Variants in NKX3-2 observed in about 807,000 individuals in gnomAD.
The protein encoded by NKX3-2 is NK3 homeobox 2.
NKX3-2 carries 13 observed loss-of-function variants against 19.4 expected under a neutral mutation model. The observed-to-expected ratio is 0.67, with a 90% CI of 0.44 to 1.07. The LOEUF (loss-of-function observed/expected upper bound fraction) is 1.07. Ranked by LOEUF, NKX3-2 falls within the 50% of genes least tolerant of loss-of-function variation. NKX3-2 has a pLI of 0.00. For missense variants in NKX3-2, 562 were observed against 488.2 expected (o/e 1.15, Z -1.42); for synonymous variants, 269 against 230.5 (o/e 1.17, Z -1.51).
upstream of NKX3-2, chr4:13,547,242 C>G (rs1309347704): frequency 2.2e-6 from 1 of 456,328 alleles, no homozygotes; most frequent in Non-Finnish European, 4.4e-6. Flanking sequence ...GAAGGCGCAG[C>G]AGGCCTGCGC....
Position 13,544,033 on chromosome 4 carries a change from G to C in NKX3-2, c.382C>G (p.Pro128Ala). Residue 128 changes from proline (P) to alanine (A), a missense_variant, in exon 1 of 2, where the codon CCG becomes GCG. Coordinates refer to ENST00000382438, the MANE Select transcript of NKX3-2 (RefSeq NM_001189.4). ...LAGGSLSLGQ[P>A]VCELAASKDL... ...TTGGAAGCGGCCAGCTCACAGACCGGCTGGCCGAGGCTCAAGGATCCCCCC... is the reference window on the plus strand; with the variant it reads ...TTGGAAGCGGCCAGCTCACAGACCGCCTGGCCGAGGCTCAAGGATCCCCCC... 6.4e-7 allele frequency: 1 copy of C among 1,560,114 alleles called. No homozygotes were observed. The highest frequency in any genetic ancestry group is 1.4e-5 in the African/African-American group (1 of 71,672).
chr4:13,541,972 G>A lies in NKX3-2; in HGVS notation c.*21C>T. On this transcript the variant is annotated 3_prime_UTR_variant, in exon 2 of 2. Transcript: ENST00000382438. ...CGGAGCCGGAGCGCGGGAATCACTC[G>A]CTGCCTCAGCCCAAGCGGGTTCACT... 2 of 1,564,046 alleles carry A rather than the reference G, an allele frequency of 1.3e-6. No homozygotes were observed. Among genetic ancestry groups the A allele is most frequent in the Non-Finnish European group, 1.7e-6 (2 of 1,154,946 alleles).
In NKX3-2 at chr4:13,542,642, C is replaced by T. The variant is rs925450495; in HGVS notation, c.467-114G>A. 28 of 1,388,406 alleles carry T rather than the reference C, an allele frequency of 2.0e-5. No individual in the cohort carries two copies. In the African/African-American group the frequency reaches 3.8e-4, roughly 19 times the overall value. 86.0% of individuals were successfully genotyped at this position (1,388,406 alleles called of 1,614,324 possible). A position where few individuals can be genotyped will look rare whatever the true frequency, so the allele number is the denominator to read the frequency against. ...GGGGCGGAAATACACTTTGATCCCA[C>T]TCAAGCGGAGCGGAGGTCTGGGAGG... On this transcript the variant is annotated intron_variant, in intron 1 of 1. Transcript: ENST00000382438. The surrounding 1 kb of genome is among the most constrained non-coding windows in gnomAD (Gnocchi z 6.4).
Position 13,542,539 on chromosome 4 carries a change from C to T in NKX3-2, c.467-11G>A, listed in dbSNP as rs1718017654. On this transcript the variant is annotated splice_polypyrimidine_tract_variant and intron_variant, in intron 1 of 1. Coordinates refer to ENST00000382438, the MANE Select transcript of NKX3-2 (RefSeq NM_001189.4). This position sits in a 1 kb window ranked among gnomAD's most constrained non-coding sequence, Gnocchi z 6.4. ...TTGGGCTGCGGTCGCCTGCGGACCC[C>T]GGTGGGAACAGAAACAAGAGACTGT... 1 of 1,596,232 alleles carries T rather than the reference C, an allele frequency of 6.3e-7. No individual in the cohort carries two copies. The highest frequency in any genetic ancestry group is 1.3e-5 in the African/African-American group (1 of 74,832).
At position 13,543,786 on chromosome 4, in the gene NKX3-2, C is replaced by T. The variant is rs1718047438; in HGVS notation, c.466+163G>A. Among the ~76,000 whole-genome samples, 1 of 152,208 alleles carries T rather than the reference C, an allele frequency of 6.6e-6. No individual in the cohort carries two copies. Among genetic ancestry groups the T allele is most frequent in the Non-Finnish European group, 1.5e-5 (1 of 68,036 alleles). On this transcript the variant is annotated intron_variant, in intron 1 of 1. Transcript: ENST00000382438. This position sits in a 1 kb window ranked among gnomAD's most constrained non-coding sequence, Gnocchi z 7.1. ...TCCGGTCTCTCGCGGGCTCAGTTCC[C>T]GAAGTGATAGAGCAGCTCGCGCCAG...
upstream of NKX3-2, chr4:13,547,113 C>T (rs1316496984): frequency 2.2e-6 from 1 of 456,228 alleles, no homozygotes; most frequent in Non-Finnish European, 4.4e-6. Flanking sequence ...CAACTAGAAG[C>T]TGCTCCTAGC....
At position 13,542,487 on chromosome 4, in the gene NKX3-2, T is replaced by G; in HGVS notation, c.508A>C (p.Arg170=). The G allele has an allele frequency of 6.3e-7, 1 of 1,596,662 alleles. No individual in the cohort carries two copies. The highest frequency in any genetic ancestry group is 8.5e-7 in the Non-Finnish European group (1 of 1,179,534). ...CACAGCGCGGACACGTGTGCACCTC[T>G]GGGGCCAACACCGTCGTCCTCGGTC... ...PRTEDDGVGP[R]GAHVSALCSG... Residue 170 remains arginine (R), a synonymous_variant, in exon 2 of 2, where the codon AGA becomes CGA. Coordinates refer to ENST00000382438, the MANE Select transcript of NKX3-2 (RefSeq NM_001189.4). The surrounding 1 kb of genome is among the most constrained non-coding windows in gnomAD (Gnocchi z 6.4).
Position 13,543,060 on chromosome 4 carries a change from T to C in NKX3-2, c.467-532A>G, listed in dbSNP as rs1391351378. Among the ~76,000 whole-genome samples the C allele has an allele frequency of 6.6e-6, 1 of 151,984 alleles. No homozygotes were observed. On this transcript the variant is annotated intron_variant, in intron 1 of 1. Coordinates refer to ENST00000382438, the MANE Select transcript of NKX3-2 (RefSeq NM_001189.4). This position sits in a 1 kb window ranked among gnomAD's most constrained non-coding sequence, Gnocchi z 7.1. ...ATCTTTCACCCTCAGCCGCCTGGGA[T>C]TGCTGTGAGAGACATGGAAACAGGC...
rs1718008230 is a variant in NKX3-2 at position 13,542,290 on chromosome 4, C to T, written c.705G>A (p.Glu235=). Residue 235 remains glutamate, a synonymous_variant, in exon 2 of 2, where the codon GAG becomes GAA. Coordinates refer to ENST00000382438, the MANE Select transcript of NKX3-2 (RefSeq NM_001189.4). This position sits in a 1 kb window ranked among gnomAD's most constrained non-coding sequence, Gnocchi z 6.4. ...TCAGCGACGCGGCCAGGTCTGCGCG[C>T]TCGGGCCCGGACAGGTAGCGCTGGT... ...FNHQRYLSGP[E]RADLAASLKL... The T allele has an allele frequency of 1.2e-6, 2 of 1,608,776 alleles. No homozygotes were observed. Among genetic ancestry groups the T allele is most frequent in the Non-Finnish European group, 8.5e-7 (1 of 1,178,530 alleles).
Position 13,544,130 on chromosome 4 carries a change from G to C in NKX3-2, c.285C>G (p.Ser95=), listed in dbSNP as rs769742404. ...TGCTCTCGTTCTCCTCGCTGAGCGC[G>C]GAGTCCGAGTCCCAGCCTTCCGGGC... ...AESPEGWDSD[S]ALSEENESRR... is the part of the protein sequence containing the mutation. The change falls in exon 1 of 2, where the codon TCC becomes TCG. Residue 95 remains serine (S), a synonymous_variant. Transcript: ENST00000382438. 7 of 1,604,606 alleles carry C rather than the reference G, an allele frequency of 4.4e-6. No homozygotes were observed. Among genetic ancestry groups the C allele is most frequent in the South Asian group, 1.1e-5 (1 of 89,998 alleles).
chr4:13,543,901 C>T lies in NKX3-2; in HGVS notation c.466+48G>A, dbSNP rs754038800. ...CCCCACTCGGCGTGGTTGCCCTCCGCGTCCATCCCCTCAGCCCGGCCCCCA... is the reference window on the plus strand; with the variant it reads ...CCCCACTCGGCGTGGTTGCCCTCCGTGTCCATCCCCTCAGCCCGGCCCCCA... On this transcript the variant is annotated intron_variant, in intron 1 of 1. Coordinates refer to ENST00000382438, the MANE Select transcript of NKX3-2 (RefSeq NM_001189.4). The surrounding 1 kb of genome is among the most constrained non-coding windows in gnomAD (Gnocchi z 7.1). 63 of 1,447,728 alleles carry T rather than the reference C, an allele frequency of 4.4e-5. No individual in the cohort carries two copies. In the Middle Eastern group the frequency reaches 3.4e-3, roughly 79 times the overall value. 89.7% of individuals were successfully genotyped at this position (1,447,728 alleles called of 1,614,324 possible). A position where few individuals can be genotyped will look rare whatever the true frequency, so the allele number is the denominator to read the frequency against.
chr4:13,546,849 C>T (rs190497383), upstream of NKX3-2: 12 of 444,934 alleles, frequency 2.7e-5, no homozygotes, highest in East Asian at 1.4e-4. Flanking sequence ...ACTCCTGCCA[C>T]AGCCTTGGGC....
chr4:13,543,693 C>T lies in NKX3-2; in HGVS notation c.466+256G>A, dbSNP rs986815839. ...GCAAGGGGCAGCGGTTCTCCCAACC[C>T]AGTCTAATGCACATTGGCCCAGGAT... On this transcript the variant is annotated intron_variant, in intron 1 of 1. Coordinates refer to ENST00000382438, the MANE Select transcript of NKX3-2 (RefSeq NM_001189.4). The surrounding 1 kb of genome is among the most constrained non-coding windows in gnomAD (Gnocchi z 7.1). Among the ~76,000 whole-genome samples, 3 of 152,236 alleles carry T rather than the reference C, an allele frequency of 2.0e-5. No individual in the cohort carries two copies. Among genetic ancestry groups the T allele is most frequent in the African/African-American group, 7.2e-5 (3 of 41,462 alleles).
Position 13,542,358 on chromosome 4 carries a change from A to C in NKX3-2, c.637T>G (p.Phe213Val). 6.5e-7 allele frequency: 1 copy of C among 1,533,600 alleles called. No homozygotes were observed. The highest frequency in any genetic ancestry group is 8.8e-7 in the Non-Finnish European group (1 of 1,142,332). The allele number at this position is 1,533,600 out of a possible 1,614,324, so 95.0% of individuals were successfully genotyped here. ...KPRKKRSRAA[F>V]SHAQVFELER... The stretch of plus-strand genomic sequence containing the variant: ...AGCTCGAAGACCTGCGCGTGGGAGA[A>C]AGCGGCCCGCGAGCGCTTCTTGCGT... Residue 213 changes from phenylalanine to valine, a missense_variant, in exon 2 of 2, where the codon TTC (phenylalanine) becomes GTC (valine). Transcript: ENST00000382438. The surrounding 1 kb of genome is among the most constrained non-coding windows in gnomAD (Gnocchi z 6.4).
In NKX3-2 at chr4:13,543,892, TG is replaced by T; in HGVS notation, c.466+56del. 1 of 1,418,756 alleles carries T rather than the reference TG, an allele frequency of 7.0e-7. No individual in the cohort carries two copies. The allele number at this position is 1,418,756 out of a possible 1,614,324, so 87.9% of individuals were successfully genotyped here. On this transcript the variant is annotated intron_variant, in intron 1 of 1. Transcript: ENST00000382438. The surrounding 1 kb of genome is among the most constrained non-coding windows in gnomAD (Gnocchi z 7.1). The stretch of plus-strand genomic sequence containing the variant: ...AGCCGACCACCCCACTCGGCGTGGT[TG>T]CCCTCCGCGTCCATCCCCTCAGCCC...
At position 13,544,503 on chromosome 4, in the gene NKX3-2, G is replaced by A. The variant is rs1045773569; in HGVS notation, c.-89C>T. The A allele has an allele frequency of 4.2e-6, 4 of 957,708 alleles. No individual in the cohort carries two copies. The highest frequency in any genetic ancestry group is 1.7e-5 in the African/African-American group (1 of 57,640). The allele number at this position is 957,708 out of a possible 1,614,324, so 59.3% of individuals were successfully genotyped here. A position where few individuals can be genotyped will look rare whatever the true frequency, so the allele number is the denominator to read the frequency against. Reference sequence around the variant, plus strand: ...GACAGAGAGCGCCGGCGGCCGCAGCGCGAGTGAGCTGGGTGTGCGAGGCCG... The same window carrying A: ...GACAGAGAGCGCCGGCGGCCGCAGCACGAGTGAGCTGGGTGTGCGAGGCCG... On this transcript the variant is annotated 5_prime_UTR_variant, in exon 1 of 2. Transcript: ENST00000382438.
Position 13,542,946 on chromosome 4 carries a change from C to T in NKX3-2, c.467-418G>A, listed in dbSNP as rs1466259257. On this transcript the variant is annotated intron_variant, in intron 1 of 1. Transcript: ENST00000382438. This position sits in a 1 kb window ranked among gnomAD's most constrained non-coding sequence, Gnocchi z 6.4. ...CGCGCCTCTCCACACTTAGTTCACA[C>T]GCACACACGCGCGCGTCCTCGCAGC... Among the ~76,000 whole-genome samples the T allele has an allele frequency of 6.6e-6, 1 of 151,974 alleles. No homozygotes were observed. The highest frequency in any genetic ancestry group is 2.4e-5 in the African/African-American group (1 of 41,394).
In NKX3-2 at chr4:13,542,325, G is replaced by T. The variant is rs1241685918; in HGVS notation, c.670C>A (p.Arg224Ser). ...SHAQVFELER[R>S]FNHQRYLSGP... is the part of the protein sequence containing the mutation. ...GACAGGTAGCGCTGGTGGTTAAAGC[G>T]GCGCTCCAGCTCGAAGACCTGCGCG... Residue 224 changes from arginine (R) to serine (S), a missense_variant, in exon 2 of 2, where the codon CGC becomes AGC. Arg to Ser is a moderately radical substitution (Grantham distance 110). Transcript: ENST00000382438. This position sits in a 1 kb window ranked among gnomAD's most constrained non-coding sequence, Gnocchi z 6.4. 6.3e-7 allele frequency: 1 copy of T among 1,586,016 alleles called. No individual in the cohort carries two copies. Among genetic ancestry groups the T allele is most frequent in the African/African-American group, 1.3e-5 (1 of 74,148 alleles).
upstream of NKX3-2, among the ~76,000 whole-genome samples, chr4:13,545,849 G>A (rs947685396): frequency 7.2e-5 from 11 of 152,130 alleles, no homozygotes. Flanking sequence ...ACCATAAAGT[G>A]ATCCAGAAGT....
Sources: gnomAD v4.1 joint callset for allele counts (sites outside exome capture counted in the v4.1 genomes callset) on GRCh38, gnomAD v4.1.1 for gene constraint, Gnocchi (gnomAD v3.1) non-coding constraint, MANE v1.5 for transcripts, NCBI Gene and HGNC (gene_info 2026-07-23, HGNC 2026-07-21) for gene names.